Variants in RPS6KA3 observed in about 807,000 individuals in gnomAD.
RPS6KA3 encodes ribosomal protein S6 kinase alpha-3.
A neutral mutation model predicts 67.2 loss-of-function variants in RPS6KA3; 4 were observed. The ratio of observed to expected loss-of-function variants is 0.06; its 90% confidence interval spans 0.03 to 0.14. The LOEUF (loss-of-function observed/expected upper bound fraction) is 0.14, where lower values mean the gene tolerates loss of function less well. Among genes scored for constraint, RPS6KA3 ranks in the 10% least tolerant of loss-of-function variants. The pLI is 1.00. For synonymous variants in RPS6KA3, 182 were observed against 183.7 expected, an observed-to-expected ratio of 0.99 and a Z score of 0.07; for missense variants, 204 against 559.0, an observed-to-expected ratio of 0.36 and a Z score of 6.40.
At chrX:20,230,669 A>G (rs2069236973) in intron 2 of RPS6KA3, among the ~76,000 whole-genome samples, 1 of 111,322 alleles carries the variant, frequency 9.0e-6, no homozygotes, top group East Asian at 2.8e-4. Context: ...TTGGGTTTTT[A>G]TTTAAAGGAA....
chrX:20,218,743 T>C (rs2068918661), intron 2 of RPS6KA3: 3 of 785,996 alleles, frequency 3.8e-6, no homozygotes, highest in Admixed American at 5.5e-5. Context: ...TTACTGTAAT[T>C]ATAGTTAGCT....
intron 10 of RPS6KA3, among the ~76,000 whole-genome samples, chrX:20,184,024 A>T (rs765811218): frequency 8.9e-6 from 1 of 112,453 alleles, no homozygotes; most frequent in Non-Finnish European, 1.9e-5. Flanking sequence ...TAAATAAAAT[A>T]TTACAATTAA....
intron 1 of RPS6KA3, among the ~76,000 whole-genome samples, chrX:20,256,063 T>C (rs578038609): frequency 2.9e-5 from 3 of 103,572 alleles, no homozygotes; most frequent in Non-Finnish European, 5.9e-5. Context: ...TGAGCCAAGA[T>C]TGAGCCACTG....
chrX:20,242,673 A>G (rs1406443979), intron 1 of RPS6KA3, among the ~76,000 whole-genome samples: 1 of 112,535 alleles, frequency 8.9e-6, no homozygotes, highest in Admixed American at 9.4e-5. Context: ...TGTAAAGTTT[A>G]AAGTGTTTAA....
chrX:20,169,148 C>T (rs113439647), intron 16 of RPS6KA3, among the ~76,000 whole-genome samples: 1 of 111,703 alleles, frequency 9.0e-6, no homozygotes, highest in African/African-American at 3.3e-5. Context: ...CCACTGTGCT[C>T]GGCCTGGCTA....
chrX:20,251,691 G>A (rs2069874485), intron 1 of RPS6KA3, among the ~76,000 whole-genome samples: 1 of 112,983 alleles, frequency 8.9e-6, no homozygotes, highest in African/African-American at 3.2e-5. Context: ...TGGTTTAGTA[G>A]TATTAAGTAT....
At chrX:20,171,861 T>C (rs892104497) in intron 15 of RPS6KA3, among the ~76,000 whole-genome samples, 21 of 112,308 alleles carry the variant, frequency 1.9e-4, no homozygotes, top group Admixed American at 1.8e-3. Flanking sequence ...AATAGGAAAA[T>C]AGAAAATTAA....
At chrX:20,249,755 T>C (rs1309888704) in intron 1 of RPS6KA3, among the ~76,000 whole-genome samples, 2 of 112,437 alleles carry the variant, frequency 1.8e-5, no homozygotes, top group East Asian at 2.8e-4. Context: ...ATAAAAGGTC[T>C]TGAATTTTTC....
At chrX:20,226,098 C>T (rs1394024402) in intron 2 of RPS6KA3, among the ~76,000 whole-genome samples, 1 of 111,587 alleles carries the variant, frequency 9.0e-6, no homozygotes, top group African/African-American at 3.3e-5. Flanking sequence ...AGGAGAACTG[C>T]TTGAACCTGG....
intron 2 of RPS6KA3, among the ~76,000 whole-genome samples, chrX:20,218,583 AAGTC>A (rs780679410): frequency 5.4e-5 from 6 of 112,110 alleles, no homozygotes; most frequent in Non-Finnish European, 1.1e-4. Context: ...AACAACGTAA[AAGTC>A]AGTTGACAAA....
chrX:20,237,851 T>C (rs1016695112), intron 1 of RPS6KA3, among the ~76,000 whole-genome samples: 3 of 111,556 alleles, frequency 2.7e-5, no homozygotes, highest in Admixed American at 9.5e-5. Flanking sequence ...TTCTACTCCA[T>C]TCTTACTTAC....
In RPS6KA3 at chrX:20,150,225, C is replaced by A. The variant is rs1296225845; in HGVS notation, c.*5173G>T. ...AGAATTCATGATATGGTATCTTGGG[C>A]TTCTGGCATGCCTTACTAGAGAGAA... On this transcript the variant is annotated 3_prime_UTR_variant, in exon 22 of 22. Coordinates refer to ENST00000379565, the MANE Select transcript of RPS6KA3 (RefSeq NM_004586.3). The A allele has an allele frequency of 8.8e-6, 1 of 113,277 alleles. No homozygotes were observed. The highest frequency in any genetic ancestry group is 2.7e-4 in the East Asian group (1 of 3,642). 9.3% of individuals were successfully genotyped at this position (113,277 alleles called of 1,213,427 possible). A position where few individuals can be genotyped will look rare whatever the true frequency, so the allele number is the denominator to read the frequency against.
At chrX:20,241,398 T>C (rs2069546198) in intron 1 of RPS6KA3, among the ~76,000 whole-genome samples, 1 of 102,077 alleles carries the variant, frequency 9.8e-6, no homozygotes, top group South Asian at 4.4e-4. Context: ...GAAAACGGAA[T>C]CCATGCCACA....
intron 14 of RPS6KA3, among the ~76,000 whole-genome samples, chrX:20,174,854 G>C (rs1168689848): frequency 3.6e-5 from 4 of 111,659 alleles, no homozygotes; most frequent in Non-Finnish European, 7.5e-5. Context: ...TCAGAATCAA[G>C]TGATTCTTGT....
chrX:20,153,309 A>G lies in RPS6KA3; in HGVS notation c.*2089T>C, dbSNP rs762518861. 5 of 112,011 alleles carry G rather than the reference A, an allele frequency of 4.5e-5. No individual in the cohort carries two copies. Among genetic ancestry groups the G allele is most frequent in the Non-Finnish European group, 9.4e-5 (5 of 53,159 alleles). The allele number at this position is 112,011 out of a possible 1,213,427, so 9.2% of individuals were successfully genotyped here. A position where few individuals can be genotyped will look rare whatever the true frequency, so the allele number is the denominator to read the frequency against. ...TCAAGAATTTGAAAATACTTTCTCT[A>G]TCTAGACATTCTGATATCCCTCCTA... On this transcript the variant is annotated 3_prime_UTR_variant, in exon 22 of 22. Transcript: ENST00000379565.
chrX:20,206,547 G>A (rs2068576615), intron 3 of RPS6KA3, among the ~76,000 whole-genome samples: 1 of 112,027 alleles, frequency 8.9e-6, no homozygotes, highest in African/African-American at 3.2e-5. Flanking sequence ...GCCAGGCACT[G>A]TGCTACTGGT....
intron 20 of RPS6KA3, among the ~76,000 whole-genome samples, chrX:20,158,242 G>A (rs889501507): frequency 9.3e-6 from 1 of 108,012 alleles, no homozygotes; most frequent in African/African-American, 3.4e-5. Context: ...GTGCATGCCT[G>A]TAGTCCCGGC....
intron 16 of RPS6KA3, 88 bp from the exon 17 acceptor site, chrX:20,167,835 C>T: frequency 1.6e-6 from 1 of 608,085 alleles, no homozygotes. Context: ...AAATTAAACT[C>T]ACTTCATATT....
At chrX:20,182,420 C>T (rs59980676) in intron 10 of RPS6KA3, among the ~76,000 whole-genome samples, 3 of 111,613 alleles carry the variant, frequency 2.7e-5, no homozygotes, top group Non-Finnish European at 3.8e-5. Flanking sequence ...TACACCCATG[C>T]GCCAAGGCTT....
Sources: gnomAD v4.1 joint callset for allele counts (sites outside exome capture counted in the v4.1 genomes callset) on GRCh38, gnomAD v4.1.1 for gene constraint, MANE v1.5 for transcripts, NCBI Gene and HGNC (gene_info 2026-07-23, HGNC 2026-07-21) for gene names.